Variants in TOR1AIP2 observed in about 807,000 individuals in gnomAD.
TOR1AIP2 encodes the protein torsin-1A-interacting protein 2.
Under a neutral mutation model 32.6 loss-of-function variants are expected in TOR1AIP2, and 20 were observed. The ratio of observed to expected loss-of-function variants is 0.61; its 90% confidence interval spans 0.43 to 0.89. The LOEUF (loss-of-function observed/expected upper bound fraction) is 0.89. TOR1AIP2 is among the 40% of genes least tolerant of loss of function. The probability of loss-of-function intolerance (pLI) is 0.00; values close to 1 mark genes in which losing one functional copy is unlikely to be tolerated. For synonymous variants in TOR1AIP2, 214 were observed against 210.8 expected (o/e 1.02, Z -0.13); for missense variants, 456 against 553.8 (o/e 0.82, Z 1.77).
intron 2 of TOR1AIP2, chr1:179,868,376 T>A (rs1467497295): frequency 6.6e-6 from 1 of 152,232 alleles, no homozygotes; most frequent in Non-Finnish European, 1.5e-5. Flanking sequence ...TATTTACTGC[T>A]ATAGTGTCCA....
At chr1:179,876,045 T>A (rs1647282418) in intron 2 of TOR1AIP2, 1 of 152,182 alleles carries the variant, frequency 6.6e-6, no homozygotes, top group Non-Finnish European at 1.5e-5. Context: ...TTGGAAGTTG[T>A]CGAATCTCCA....
At position 179,851,067 on chromosome 1, in the gene TOR1AIP2, C is replaced by A. The variant is rs1478456281; in HGVS notation, c.331G>T (p.Glu111Ter). Residue 111 changes from glutamate (E) to a stop codon, truncating the protein, a stop_gained, in exon 5 of 7, where the codon GAA (glutamate) becomes TAA (stop). Coordinates refer to ENST00000609928, the MANE Select transcript of TOR1AIP2 (RefSeq NM_001199260.2). LOFTEE classifies it high-confidence loss of function. Reference sequence around the variant, plus strand: ...TGGCTGGGATCTGGATCCAAGGGTTCTTTACCCAGATTTTCTGAAGGGAGG... The same window carrying A: ...TGGCTGGGATCTGGATCCAAGGGTTATTTACCCAGATTTTCTGAAGGGAGG... Reference protein sequence around the residue: ...HHLPSENLGKEPLDPDPSHSP... With the variant: ...HHLPSENLGK 6 of 1,614,228 alleles carry A rather than the reference C, an allele frequency of 3.7e-6. No individual in the cohort carries two copies. The highest frequency in any genetic ancestry group is 5.1e-6 in the Non-Finnish European group (6 of 1,180,034).
At position 179,845,911 on chromosome 1, in the gene TOR1AIP2, A is replaced by C. The variant is rs1695884467; in HGVS notation, c.*160T>G. 1 of 682,666 alleles carries C rather than the reference A, an allele frequency of 1.5e-6. No individual in the cohort carries two copies. Among genetic ancestry groups the C allele is most frequent in the Admixed American group, 3.4e-5 (1 of 29,734 alleles). 42.3% of individuals were successfully genotyped at this position (682,666 alleles called of 1,614,324 possible). A position where few individuals can be genotyped will look rare whatever the true frequency, so the allele number is the denominator to read the frequency against. On this transcript the variant is annotated 3_prime_UTR_variant, in exon 7 of 7. Coordinates refer to ENST00000609928, the MANE Select transcript of TOR1AIP2 (RefSeq NM_001199260.2). ...AGGCTTAGATTAGAAAGATTTTACA[A>C]GGAATAAAAAATAAAAACTTGTTTC... is the stretch of plus-strand genomic sequence containing the variant.
At position 179,865,643 on chromosome 1, in the gene TOR1AIP2, T is replaced by C. The variant is rs1361992611; in HGVS notation, c.-354A>G. 6.4e-6 allele frequency: 1 copy of C among 155,780 alleles called. No individual in the cohort carries two copies. The highest frequency in any genetic ancestry group is 1.9e-4 in the East Asian group (1 of 5,262). 9.6% of individuals were successfully genotyped at this position (155,780 alleles called of 1,614,324 possible). On this transcript the variant is annotated 5_prime_UTR_variant, in exon 3 of 7. Coordinates refer to ENST00000609928, the MANE Select transcript of TOR1AIP2 (RefSeq NM_001199260.2). ...GCTGACAGGTCCAATGGGTCTTTTGTTGGCGCTGGCACTCTTGCCGTTGTA... is the reference window on the plus strand; with the variant it reads ...GCTGACAGGTCCAATGGGTCTTTTGCTGGCGCTGGCACTCTTGCCGTTGTA...
rs1235826509 is a variant in TOR1AIP2, at chr1:179,846,846, A to G, written c.656-18T>C. On this transcript the variant is annotated intron_variant, in intron 6 of 6. Transcript: ENST00000609928. ...CACAGGGCCTGTCAAAAGAATGAAAAAGGAATAGAAAATTACAGAGAACAC... is the reference window on the plus strand; with the variant it reads ...CACAGGGCCTGTCAAAAGAATGAAAGAGGAATAGAAAATTACAGAGAACAC... The G allele has an allele frequency of 6.4e-7, 1 of 1,564,578 alleles. No homozygotes were observed. The highest frequency in any genetic ancestry group is 8.6e-7 in the Non-Finnish European group (1 of 1,156,668).
intron 5 of TOR1AIP2, among the ~76,000 whole-genome samples, chr1:179,849,194 C>T (rs776815882): frequency 2.4e-4 from 36 of 152,102 alleles, no homozygotes; most frequent in Non-Finnish European, 4.6e-4. Flanking sequence ...TTTCTCATCT[C>T]TTAGAGTATA....
intron 3 of TOR1AIP2, chr1:179,858,931 T>C: frequency 5.2e-6 from 4 of 769,026 alleles, no homozygotes; most frequent in Non-Finnish European, 6.3e-6. Context: ...GAGAAGGAAA[T>C]TAGAAGTTTA....
chr1:179,851,198 C>T lies in TOR1AIP2; in HGVS notation c.200G>A (p.Gly67Asp), dbSNP rs61826282. ...ETEGPESADT[G>D]DKSESPDEAN... ...TTCATCTGGACTTTCTGATTTATCACCTGTATCTGCACTTTCTGGACCTTC... is the reference window on the plus strand; with the variant it reads ...TTCATCTGGACTTTCTGATTTATCATCTGTATCTGCACTTTCTGGACCTTC... The change falls in exon 5 of 7, where the codon GGT (glycine) becomes GAT (aspartate). Residue 67 changes from glycine to aspartate, a missense_variant. Physicochemically the swap from Gly to Asp is moderately conservative, Grantham distance 94. Coordinates refer to ENST00000609928, the MANE Select transcript of TOR1AIP2 (RefSeq NM_001199260.2). 1.9e-5 allele frequency: 31 copies of T among 1,613,850 alleles called. No homozygotes were observed. In the Middle Eastern group the frequency reaches 4.9e-4, roughly 26 times the overall value.
chr1:179,862,709 T>C, intron 3 of TOR1AIP2: 1 of 948,040 alleles, frequency 1.1e-6, no homozygotes, highest in Non-Finnish European at 1.3e-6. Context: ...AGGTGGATCA[T>C]CTGAGGTCAG....
chr1:179,855,688 C>T (rs1459057420), intron 3 of TOR1AIP2, among the ~76,000 whole-genome samples: 1 of 152,056 alleles, frequency 6.6e-6, no homozygotes, highest in South Asian at 2.1e-4. Context: ...CATTTTTAGA[C>T]GTATAATAGA....
At chr1:179,854,543 G>C (rs1009934577) in intron 3 of TOR1AIP2, among the ~76,000 whole-genome samples, 1 of 152,094 alleles carries the variant, frequency 6.6e-6, no homozygotes, top group Non-Finnish European at 1.5e-5. Context: ...TAAAGAAGGG[G>C]GGCAATCTTT....
chr1:179,846,272 T>C lies in TOR1AIP2; in HGVS notation c.1212A>G (p.Thr404=), dbSNP rs758206227. ...CCCTTGGGCCTACACTTGCTTCTAA[T>C]GTTTCCTCCTCTAGCAGAACAGTCA... ...LVLTVLLEEE[T]LEASVGPRET... The change falls in exon 7 of 7, where the codon ACA becomes ACG. Residue 404 remains threonine (T), a synonymous_variant. Transcript: ENST00000609928. The C allele has an allele frequency of 6.8e-6, 11 of 1,614,098 alleles. No individual in the cohort carries two copies. In the African/African-American group the frequency reaches 9.3e-5, roughly 14 times the overall value.
intron 3 of TOR1AIP2, chr1:179,864,305 C>A: frequency 1.0e-6 from 1 of 985,504 alleles, no homozygotes; most frequent in South Asian, 4.7e-5. Context: ...CATCACTGAC[C>A]AATGCATAAG....
At chr1:179,870,428 CAT>C (rs1696971410) in intron 2 of TOR1AIP2, among the ~76,000 whole-genome samples, 1 of 151,950 alleles carries the variant, frequency 6.6e-6, no homozygotes, top group African/African-American at 2.4e-5. Context: ...TTTACATACA[CAT>C]GTGCATTTTT....
intron 4 of TOR1AIP2, among the ~76,000 whole-genome samples, chr1:179,851,590 T>A (rs1010323012): frequency 6.6e-6 from 1 of 152,160 alleles, no homozygotes; most frequent in African/African-American, 2.4e-5. Context: ...ACAAATTATA[T>A]GACAGAACAA....
chr1:179,869,841 T>A (rs1230379124), intron 2 of TOR1AIP2, among the ~76,000 whole-genome samples: 1 of 152,236 alleles, frequency 6.6e-6, no homozygotes, highest in African/African-American at 2.4e-5. Context: ...CAGAAAACTT[T>A]ATTTGGCAGG....
intron 5 of TOR1AIP2, among the ~76,000 whole-genome samples, chr1:179,849,993 C>T (rs1696055653): frequency 1.3e-5 from 2 of 152,218 alleles, no homozygotes; most frequent in Admixed American, 1.3e-4. Flanking sequence ...TTGCTGAAGT[C>T]CCTGATGAAC....
At position 179,846,217 on chromosome 1, in the gene TOR1AIP2, A is replaced by G; in HGVS notation, c.1267T>C (p.Trp423Arg). ...ETEEKVRDLL[W>R]AKFTNSDTPT... ...GTGTCAGAGTTGGTAAACTTGGCCC[A>G]GAGTAAGTCTCTCACTTTTTCTTCC... is the stretch of plus-strand genomic sequence containing the variant. The change falls in exon 7 of 7, where the codon TGG becomes CGG. Residue 423 changes from tryptophan (W) to arginine (R), a missense_variant. Coordinates refer to ENST00000609928, the MANE Select transcript of TOR1AIP2 (RefSeq NM_001199260.2). The G allele has an allele frequency of 6.2e-7, 1 of 1,614,208 alleles. No individual in the cohort carries two copies. The highest frequency in any genetic ancestry group is 8.5e-7 in the Non-Finnish European group (1 of 1,180,042).
rs779222171 is a variant in TOR1AIP2, at chr1:179,850,923, G to T, written c.475C>A (p.Gln159Lys). Residue 159 changes from glutamine (Q) to lysine (K), a missense_variant, in exon 5 of 7, where the codon CAG becomes AAG. Gln to Lys is a moderately conservative substitution (Grantham distance 53, BLOSUM62 1). Transcript: ENST00000609928. The stretch of plus-strand genomic sequence containing the variant: ...GAATGACCAGGACTCTGGGCCTCCT[G>T]GGAGTCTGTAGTAGGTGGTTCCTGA... ...ASQEPPTTDS[Q>K]EAQSPGHSSA... The T allele has an allele frequency of 6.2e-7, 1 of 1,614,194 alleles. No individual in the cohort carries two copies. Among genetic ancestry groups the T allele is most frequent in the Non-Finnish European group, 8.5e-7 (1 of 1,180,024 alleles).
Sources: gnomAD v4.1 joint callset for allele counts (sites outside exome capture counted in the v4.1 genomes callset) on GRCh38, gnomAD v4.1.1 for gene constraint, MANE v1.5 for transcripts, NCBI Gene and HGNC (gene_info 2026-07-23, HGNC 2026-07-21) for gene names.